The following MAGI3 variants were observed in gnomAD, a reference collection of about 807,000 sequenced individuals.
MAGI3 encodes membrane associated guanylate kinase, WW and PDZ domain containing 3, also known as membrane-associated guanylate kinase, WW and PDZ domain-containing protein 3.
A neutral mutation model predicts 121.8 loss-of-function variants in MAGI3; 43 were observed. The observed-to-expected ratio is 0.35, with a 90% CI of 0.28 to 0.46. MAGI3 has a LOEUF of 0.46. Ranked by LOEUF, MAGI3 falls within the 20% of genes least tolerant of loss-of-function variation. The probability of loss-of-function intolerance (pLI) is 1.00; values close to 1 mark genes in which losing one functional copy is unlikely to be tolerated. For missense variants in MAGI3, 1,547 were observed against 1,797.3 expected (o/e 0.86, Z 2.52); for synonymous variants, 553 against 639.3 (o/e 0.86, Z 2.04).
At chr1:113,588,927 C>T (rs1648541107) in intron 4 of MAGI3, among the ~76,000 whole-genome samples, 1 of 151,994 alleles carries the variant, frequency 6.6e-6, no homozygotes, top group South Asian at 2.1e-4. Context: ...TTTTACTGAA[C>T]TGGGAACATG....
intron 4 of MAGI3, among the ~76,000 whole-genome samples, chr1:113,585,845 T>A (rs530002585): frequency 1.3e-5 from 2 of 152,204 alleles, no homozygotes; most frequent in African/African-American, 4.8e-5. Flanking sequence ...GCCATTACCC[T>A]GCTGTTTAAA....
intron 2 of MAGI3, among the ~76,000 whole-genome samples, chr1:113,577,352 G>A (rs1647714894): frequency 6.6e-6 from 1 of 152,102 alleles, no homozygotes. Context: ...TGAATGGTTG[G>A]GGAAAAGATC....
At chr1:113,420,982 C>A (rs776234917) in intron 1 of MAGI3, among the ~76,000 whole-genome samples, 1 of 151,798 alleles carries the variant, frequency 6.6e-6, no homozygotes, top group Non-Finnish European at 1.5e-5. Flanking sequence ...TTTCTCCATA[C>A]GTTTTTAATG....
chr1:113,411,980 T>G (rs1652022198), intron 1 of MAGI3, among the ~76,000 whole-genome samples: 1 of 151,910 alleles, frequency 6.6e-6, no homozygotes, highest in Non-Finnish European at 1.5e-5. Context: ...ACCCATCAAC[T>G]CGTATTTACA....
intron 1 of MAGI3, among the ~76,000 whole-genome samples, chr1:113,509,191 G>A (rs368933405): frequency 3.5e-4 from 53 of 151,626 alleles, no homozygotes; most frequent in African/African-American, 1.1e-3. Context: ...CAACAAAATC[G>A]TTTACTCATT....
At chr1:113,576,614 C>T (rs1297731960) in intron 2 of MAGI3, 2 of 152,160 alleles carry the variant, frequency 1.3e-5, no homozygotes, top group East Asian at 3.9e-4. Flanking sequence ...GGCATCTTGC[C>T]AGCTCCCACA....
At chr1:113,625,364 T>C (rs1238933978) in intron 9 of MAGI3, among the ~76,000 whole-genome samples, 1 of 152,232 alleles carries the variant, frequency 6.6e-6, no homozygotes, top group Non-Finnish European at 1.5e-5. Context: ...TGTGTCCTCT[T>C]CAGTTTCTTG....
At chr1:113,665,377 A>G (rs2101008645) in intron 16 of MAGI3, among the ~76,000 whole-genome samples, 1 of 151,866 alleles carries the variant, frequency 6.6e-6, no homozygotes, top group South Asian at 2.1e-4. Context: ...GTGTGTGTGT[A>G]TTTTTTATTT....
In MAGI3 at chr1:113,681,190, C is replaced by G; in HGVS notation, c.3190-8C>G. ...TTCATGTTGTTCCTGTGAATGTTCT[C>G]TGTCTAGGTTGGTGACCAGATTGTT... On this transcript the variant is annotated splice_polypyrimidine_tract_variant and splice_region_variant and intron_variant, in intron 19 of 20. Coordinates refer to ENST00000307546, the MANE Select transcript of MAGI3 (RefSeq NM_001142782.2). 1.2e-6 allele frequency: 2 copies of G among 1,610,058 alleles called. No homozygotes were observed. The highest frequency in any genetic ancestry group is 1.7e-6 in the Non-Finnish European group (2 of 1,178,966).
intron 1 of MAGI3, among the ~76,000 whole-genome samples, chr1:113,458,196 C>T (rs1041952030): frequency 1.3e-5 from 2 of 152,098 alleles, no homozygotes; most frequent in Non-Finnish European, 2.9e-5. Context: ...GGTAGGACAT[C>T]GTTGCTTGTG....
intron 1 of MAGI3, among the ~76,000 whole-genome samples, chr1:113,486,029 A>G (rs1277743415): frequency 6.6e-6 from 1 of 152,002 alleles, no homozygotes; most frequent in Non-Finnish European, 1.5e-5. Flanking sequence ...CTTTGTGCCT[A>G]TTTTTATACC....
At chr1:113,640,165 C>A (rs1163270215) in intron 9 of MAGI3, among the ~76,000 whole-genome samples, 8 of 150,448 alleles carry the variant, frequency 5.3e-5, no homozygotes, top group African/African-American at 1.9e-4. Context: ...AAATGCAAAT[C>A]AAAATGACAG....
At chr1:113,593,694 A>T (rs1394858177) in intron 5 of MAGI3, among the ~76,000 whole-genome samples, 9 of 152,168 alleles carry the variant, frequency 5.9e-5, no homozygotes. Context: ...AGATAGTTTC[A>T]TTTCGGCGTT....
intron 1 of MAGI3, among the ~76,000 whole-genome samples, chr1:113,401,747 A>G (rs552950009): frequency 8.5e-5 from 13 of 152,302 alleles, no homozygotes; most frequent in Middle Eastern, 3.4e-3. Flanking sequence ...GGGATCTTTT[A>G]TAAGTATGCA....
At chr1:113,484,085 C>G (rs1310695419) in intron 1 of MAGI3, among the ~76,000 whole-genome samples, 1 of 152,034 alleles carries the variant, frequency 6.6e-6, no homozygotes, top group Non-Finnish European at 1.5e-5. Flanking sequence ...GCAAATGATT[C>G]TAAAAGGGCA....
rs1378639468 is a variant in MAGI3, at chr1:113,670,169, C to A, written c.2816-1565C>A. ...CACATTGTTAAATCCATGTTCACAC[C>A]CAAGCCCAGCAGCCAGAGGGCGTAG... On this transcript the variant is annotated intron_variant, in intron 16 of 20. Transcript: ENST00000307546. 1.4e-3 allele frequency among the ~76,000 whole-genome samples: 217 copies of A among 152,248 alleles called. 4 individuals carry two copies. Among genetic ancestry groups the A allele is most frequent in the Non-Finnish European group, 7.4e-5 (5 of 68,016 alleles).
At chr1:113,492,423 G>A (rs71410224) in intron 1 of MAGI3, among the ~76,000 whole-genome samples, 15 of 152,306 alleles carry the variant, frequency 9.8e-5, no homozygotes, top group Admixed American at 2.6e-4. Context: ...TACTGAATGG[G>A]CAAAAGCTGG....
chr1:113,513,654 GACCTAAA>G, intron 1 of MAGI3, among the ~76,000 whole-genome samples: 1 of 152,172 alleles, frequency 6.6e-6, no homozygotes, highest in African/African-American at 2.4e-5. Context: ...TTAAACGTTA[GACCTAAA>G]ACCATAAAAA....
At chr1:113,410,213 T>C (rs1651903727) in intron 1 of MAGI3, among the ~76,000 whole-genome samples, 1 of 152,082 alleles carries the variant, frequency 6.6e-6, no homozygotes. Flanking sequence ...GAAATATAAG[T>C]CAGCTTCATC....
Sources: allele counts gnomAD v4.1 joint callset (sites outside exome capture counted in the v4.1 genomes callset), GRCh38; gene constraint gnomAD v4.1.1; transcripts MANE v1.5; gene names NCBI Gene and HGNC (gene_info 2026-07-23, HGNC 2026-07-21).